MPPED1: variants seen among roughly 807,000 people sequenced by gnomAD.
The protein encoded by MPPED1 is metallophosphoesterase domain-containing protein 1.
MPPED1 carries 16 observed loss-of-function variants against 36.2 expected under a neutral mutation model. The ratio of observed to expected loss-of-function variants is 0.44; its 90% CI spans 0.30 to 0.67. The LOEUF is 0.67. Ranked by LOEUF, MPPED1 falls within the 30% of genes least tolerant of loss-of-function variation. The pLI, the probability that MPPED1 is intolerant of heterozygous loss-of-function variation, is 0.10. For synonymous variants in MPPED1, 199 were observed against 191.3 expected (o/e 1.04, Z -0.33); for missense variants, 307 against 453.4 (o/e 0.68, Z 2.93).
chr22:43,471,102 C>T (rs572564835), intron 3 of MPPED1, among the ~76,000 whole-genome samples: 42 of 152,352 alleles, frequency 2.8e-4, no homozygotes, highest in Non-Finnish European at 5.4e-4. Flanking sequence ...ACAGCTTCTG[C>T]GCTCCGCCCA....
intron 3 of MPPED1, among the ~76,000 whole-genome samples, chr22:43,445,990 C>G (rs1930331255): frequency 6.7e-6 from 1 of 149,580 alleles, no homozygotes; most frequent in Admixed American, 6.7e-5. Context: ...CCCGCCTTAG[C>G]CCCCCTAGTA....
Position 43,499,460 on chromosome 22 carries a change from G to A in MPPED1, c.748+1110G>A, listed in dbSNP as rs376288121. On this transcript the variant is annotated intron_variant, in intron 5 of 6. Transcript: ENST00000443721. ...GTGGTGGTGGTGGGAGGTAGTGATG[G>A]TGATGGAGGTGGTGGTGGTGGTTAT... Among the ~76,000 whole-genome samples the A allele has an allele frequency of 1.3e-4, 19 of 144,710 alleles. No homozygotes were observed. The South Asian group carries it at 1.5e-3, about 11-fold the overall frequency. The allele number at this position is 144,710 out of a possible 152,430, so 94.9% of individuals were successfully genotyped here. A position where few individuals can be genotyped will look rare whatever the true frequency, so the allele number is the denominator to read the frequency against.
intron 1 of MPPED1, 88 bp downstream of exon 1, chr22:43,412,246 A>G (rs1426438863): frequency 1.2e-6 from 1 of 832,816 alleles, no homozygotes; most frequent in Non-Finnish European, 1.4e-6. Context: ...GCGCTGGGCG[A>G]CGCCCGCGGC....
chr22:43,453,099 G>A (rs1285566030), intron 3 of MPPED1, among the ~76,000 whole-genome samples: 1 of 151,694 alleles, frequency 6.6e-6, no homozygotes, highest in African/African-American at 2.4e-5. Context: ...ACAGGCACCC[G>A]CTACCACGCC....
intron 1 of MPPED1, among the ~76,000 whole-genome samples, chr22:43,414,913 G>A (rs1371926988): frequency 1.3e-5 from 2 of 152,078 alleles, no homozygotes; most frequent in Non-Finnish European, 2.9e-5. Context: ...GGCTCCCTCC[G>A]TACCCACAGA....
At chr22:43,472,898 A>T (rs1480036246) in intron 3 of MPPED1, among the ~76,000 whole-genome samples, 2 of 152,184 alleles carry the variant, frequency 1.3e-5, no homozygotes, top group Admixed American at 6.5e-5. Context: ...TAATGGCTGT[A>T]GTTATAGGAC....
At chr22:43,428,983 C>G (rs1460166235) in intron 2 of MPPED1, among the ~76,000 whole-genome samples, 1 of 152,130 alleles carries the variant, frequency 6.6e-6, no homozygotes, top group African/African-American at 2.4e-5. Context: ...GCACCAGGCA[C>G]AGCAACTCCT....
At chr22:43,489,960 G>A (rs531706931) in intron 4 of MPPED1, among the ~76,000 whole-genome samples, 1 of 152,158 alleles carries the variant, frequency 6.6e-6, no homozygotes, top group Admixed American at 6.5e-5. Flanking sequence ...TTCCTCCCCT[G>A]CGTCAGGCAG....
chr22:43,500,290 G>C (rs796170329), intron 5 of MPPED1, among the ~76,000 whole-genome samples: 1 of 9,040 alleles, frequency 1.1e-4, no homozygotes. Context: ...GTGGTGATGG[G>C]GGTGGTGGTG....
intron 4 of MPPED1, among the ~76,000 whole-genome samples, chr22:43,480,174 T>C (rs930816517): frequency 1.1e-4 from 17 of 152,168 alleles, no homozygotes; most frequent in African/African-American, 3.4e-4. Context: ...AGGCCCGCTG[T>C]GGTTTGTCAC....
chr22:43,495,552 AGAT>A (rs1569088781), intron 4 of MPPED1, among the ~76,000 whole-genome samples: 70 of 18,510 alleles, frequency 3.8e-3, no homozygotes, highest in Non-Finnish European at 5.4e-3. Flanking sequence ...GTGGTGGTGG[AGAT>A]GGTGGTGGTG....
At chr22:43,434,404 G>T (rs988164674) in intron 2 of MPPED1, among the ~76,000 whole-genome samples, 2 of 152,112 alleles carry the variant, frequency 1.3e-5, no homozygotes, top group Non-Finnish European at 1.5e-5. Context: ...TCCTGCGACG[G>T]CGGACGTGCG....
chr22:43,420,552 C>T (rs1316396288), intron 1 of MPPED1, among the ~76,000 whole-genome samples: 2 of 152,076 alleles, frequency 1.3e-5, no homozygotes, highest in Non-Finnish European at 2.9e-5. Context: ...TTACAGGCGC[C>T]CACCACCACG....
At chr22:43,412,703 A>ATCCG (rs1928947968) in intron 1 of MPPED1, among the ~76,000 whole-genome samples, 2 of 149,952 alleles carry the variant, frequency 1.3e-5, no homozygotes, top group Admixed American at 6.6e-5. Flanking sequence ...CCATCCATCC[A>ATCCG]CTCACTCAAC....
intron 3 of MPPED1, among the ~76,000 whole-genome samples, chr22:43,447,793 G>C (rs1601966494): frequency 7.1e-6 from 1 of 140,930 alleles, no homozygotes; most frequent in East Asian, 2.0e-4. Context: ...CTCTTGGGGA[G>C]CACACTTATA....
chr22:43,449,422 A>ACCCCCCCCCCCCCCCCCCCCCCCCCC (rs135045), intron 3 of MPPED1, among the ~76,000 whole-genome samples: 9 of 127,404 alleles, frequency 7.1e-5, no homozygotes, highest in Non-Finnish European at 9.9e-5. Flanking sequence ...GACAGTGCCA[A>ACCCCCCCCCCCCCCCCCCCCCCCCCC]CCCCCCCCGC....
In MPPED1 at chr22:43,428,553, C is replaced by T. The variant is rs567100809; in HGVS notation, c.224+3344C>T. ...CCAGGAGCGGTGGGGGGATGGCTGC[C>T]ACTTCCCGACATGTGATTTGTTGCC... On this transcript the variant is annotated intron_variant, in intron 2 of 6. Transcript: ENST00000443721. 3.3e-5 allele frequency among the ~76,000 whole-genome samples: 5 copies of T among 152,284 alleles called. No homozygotes were observed. The East Asian group carries it at 9.7e-4, about 29-fold the overall frequency.
intron 3 of MPPED1, among the ~76,000 whole-genome samples, chr22:43,436,809 C>T (rs1211291356): frequency 1.3e-5 from 2 of 152,254 alleles, no homozygotes; most frequent in Non-Finnish European, 2.9e-5. Context: ...CTCTTACCAC[C>T]TCTGCCTTGT....
At chr22:43,463,807 T>C (rs1047869274) in intron 3 of MPPED1, among the ~76,000 whole-genome samples, 6 of 112,890 alleles carry the variant, frequency 5.3e-5, no homozygotes, top group Non-Finnish European at 9.2e-5. Flanking sequence ...TCATTTTTTC[T>C]TTTCTTTCTT....
Sources: allele counts gnomAD v4.1 joint callset (sites outside exome capture counted in the v4.1 genomes callset), GRCh38; gene constraint gnomAD v4.1.1; transcripts MANE v1.5; gene names NCBI Gene and HGNC (gene_info 2026-07-23, HGNC 2026-07-21).